Variants in LDLRAD4 observed in about 807,000 individuals in gnomAD.
The protein encoded by LDLRAD4 is low-density lipoprotein receptor class A domain-containing protein 4.
A neutral mutation model predicts 17.0 loss-of-function variants in LDLRAD4; 5 were observed. The observed-to-expected ratio is 0.29, with a 90% confidence interval of 0.15 to 0.62. LDLRAD4 has a LOEUF of 0.62. Ranked by LOEUF, LDLRAD4 falls within the 20% of genes least tolerant of loss-of-function variation. The probability of loss-of-function intolerance (pLI) is 0.84; values close to 1 mark genes in which losing one functional copy is unlikely to be tolerated. For synonymous variants in LDLRAD4, 168 were observed against 171.8 expected, an observed-to-expected ratio of 0.98 and a Z score of 0.17; for missense variants, 340 against 424.7, an observed-to-expected ratio of 0.80 and a Z score of 1.75.
At chr18:13,648,579 C>T (rs1203266506) in exon 6 of LDLRAD4, 7 of 152,184 alleles carry the variant, frequency 4.6e-5, no homozygotes, top group African/African-American at 1.2e-4. Context: ...GAAAGAGTAG[C>T]GACTGGGAAG....
At chr18:13,442,730 G>A (rs545376902) in intron 3 of LDLRAD4, among the ~76,000 whole-genome samples, 5 of 152,222 alleles carry the variant, frequency 3.3e-5, no homozygotes, top group Non-Finnish European at 7.3e-5. Context: ...CCACATCTTA[G>A]TGGGGGACAG....
intron 3 of LDLRAD4, among the ~76,000 whole-genome samples, chr18:13,524,217 A>G (rs1568296151): frequency 6.6e-6 from 1 of 152,170 alleles, no homozygotes; most frequent in African/African-American, 2.4e-5. Flanking sequence ...AGAAGAACCA[A>G]AGGGTCTTGG....
chr18:13,249,666 T>C (rs985681817), intron 1 of LDLRAD4, among the ~76,000 whole-genome samples: 6 of 152,184 alleles, frequency 3.9e-5, no homozygotes, highest in African/African-American at 1.4e-4. Flanking sequence ...ATCAGATGCA[T>C]TGTCTGCAGG....
chr18:13,391,855 T>G (rs1389815954), intron 2 of LDLRAD4, among the ~76,000 whole-genome samples: 1 of 152,228 alleles, frequency 6.6e-6, no homozygotes, highest in Non-Finnish European at 1.5e-5. Flanking sequence ...TACGAGCATT[T>G]TTCTTATAAA....
chr18:13,548,588 TG>T (rs1406884477), intron 3 of LDLRAD4, among the ~76,000 whole-genome samples: 1 of 152,008 alleles, frequency 6.6e-6, no homozygotes, highest in Non-Finnish European at 1.5e-5. Flanking sequence ...GTGCTGGGAG[TG>T]GGGAGAGGCC....
At chr18:13,308,235 TCCTCTG>T (rs1240122702) in intron 1 of LDLRAD4, among the ~76,000 whole-genome samples, 1 of 152,144 alleles carries the variant, frequency 6.6e-6, no homozygotes, top group African/African-American at 2.4e-5. Flanking sequence ...CCCACACCTC[TCCTCTG>T]CCTTTGTTTA....
At chr18:13,411,093 A>G (rs1190075521) in intron 2 of LDLRAD4, among the ~76,000 whole-genome samples, 1 of 152,172 alleles carries the variant, frequency 6.6e-6, no homozygotes, top group Non-Finnish European at 1.5e-5. Flanking sequence ...TCTACTAAAA[A>G]TACAAACATT....
chr18:13,271,942 C>A (rs1359806909), intron 1 of LDLRAD4, among the ~76,000 whole-genome samples: 3 of 132,382 alleles, frequency 2.3e-5, no homozygotes, highest in Non-Finnish European at 4.6e-5. Flanking sequence ...CTTTGCCAGG[C>A]TGGAGTGCAG....
chr18:13,238,104 A>G (rs2042425810), intron 1 of LDLRAD4, among the ~76,000 whole-genome samples: 4 of 152,212 alleles, frequency 2.6e-5, no homozygotes, highest in Admixed American at 1.3e-4. Context: ...CTAAAACCCC[A>G]GGAACTATTG....
intron 3 of LDLRAD4, among the ~76,000 whole-genome samples, chr18:13,608,212 C>T (rs1201802751): frequency 4.0e-5 from 6 of 151,406 alleles, no homozygotes; most frequent in Non-Finnish European, 7.4e-5. Context: ...AAATCAAAAC[C>T]ACAATGAGAT....
At chr18:13,431,977 G>T (rs566549746) in intron 2 of LDLRAD4, among the ~76,000 whole-genome samples, 1 of 152,160 alleles carries the variant, frequency 6.6e-6, no homozygotes. Flanking sequence ...GTGCCTTTAC[G>T]CCGAGGTTGG....
intron 3 of LDLRAD4, among the ~76,000 whole-genome samples, chr18:13,610,474 G>A (rs544791959): frequency 4.0e-5 from 6 of 151,676 alleles, no homozygotes; most frequent in Non-Finnish European, 4.4e-5. Flanking sequence ...TTTTAGTAGA[G>A]ACGGGTTTCG....
At chr18:13,512,081 G>A (rs749427392) in intron 3 of LDLRAD4, among the ~76,000 whole-genome samples, 6 of 152,188 alleles carry the variant, frequency 3.9e-5, no homozygotes, top group Non-Finnish European at 8.8e-5. Context: ...AGGTTGGAAG[G>A]CAAAATATCG....
intron 1 of LDLRAD4, among the ~76,000 whole-genome samples, chr18:13,244,560 T>C (rs888845776): frequency 6.6e-6 from 1 of 152,276 alleles, no homozygotes; most frequent in African/African-American, 2.4e-5. Flanking sequence ...TTTGTTATTA[T>C]AATTACGAAT....
chr18:13,438,393 C>G lies in LDLRAD4; in HGVS notation c.181+9C>G. On this transcript the variant is annotated intron_variant, in intron 3 of 5. Coordinates refer to ENST00000359446, the Ensembl canonical transcript of LDLRAD4. ...TCCGGGCATCTTCAACTGTAAGTCT[C>G]TCCTCCCACCTGGGTGGCACTGTCT... 2 of 1,612,844 alleles carry G rather than the reference C, an allele frequency of 1.2e-6. No homozygotes were observed. Among genetic ancestry groups the G allele is most frequent in the Non-Finnish European group, 1.7e-6 (2 of 1,179,278 alleles).
rs182885868 is a variant in LDLRAD4, at chr18:13,480,908, G to A, written c.181+42524G>A. 8.1e-4 allele frequency among the ~76,000 whole-genome samples: 124 copies of A among 152,340 alleles called. 3 individuals carry two copies. Among genetic ancestry groups the A allele is most frequent in the South Asian group, 4.1e-3 (20 of 4,828 alleles). On this transcript the variant is annotated intron_variant, in intron 3 of 5. Transcript: ENST00000359446. Reference sequence around the variant, plus strand: ...AAAACCCACGTCCTGGCTGTCAGCCGTGTCAGCCAGAGCCTTGACTAGTGT... The same window carrying A: ...AAAACCCACGTCCTGGCTGTCAGCCATGTCAGCCAGAGCCTTGACTAGTGT...
intron 1 of LDLRAD4, among the ~76,000 whole-genome samples, chr18:13,383,529 G>C (rs569098859): frequency 2.6e-5 from 4 of 152,366 alleles, no homozygotes; most frequent in African/African-American, 9.6e-5. Context: ...GGAGGCTCAC[G>C]AGAGCAGAAG....
intron 1 of LDLRAD4, among the ~76,000 whole-genome samples, chr18:13,348,015 G>T (rs975074880): frequency 2.6e-5 from 4 of 152,142 alleles, no homozygotes; most frequent in Non-Finnish European, 5.9e-5. Flanking sequence ...CCACGGGTTC[G>T]AAATTCCTCC....
intron 1 of LDLRAD4, among the ~76,000 whole-genome samples, chr18:13,258,460 T>G (rs2043624763): frequency 6.6e-6 from 1 of 152,246 alleles, no homozygotes; most frequent in South Asian, 2.1e-4. Flanking sequence ...TGCCTCTATT[T>G]GAATATTTTA....
Sources: allele counts gnomAD v4.1 joint callset (sites outside exome capture counted in the v4.1 genomes callset), GRCh38; gene constraint gnomAD v4.1.1; transcripts MANE v1.5; gene names NCBI Gene and HGNC (gene_info 2026-07-23, HGNC 2026-07-21).